Variants in PCCA observed in about 807,000 individuals in gnomAD.
PCCA encodes the protein propionyl-CoA carboxylase subunit alpha.
PCCA carries 74 observed loss-of-function variants against 101.3 expected under a neutral mutation model. The observed-to-expected ratio is 0.73, with a 90% CI of 0.61 to 0.89. PCCA has a LOEUF of 0.89. Ranked by LOEUF, PCCA falls within the 40% of genes least tolerant of loss-of-function variation. The pLI is 0.00. For synonymous variants in PCCA, 294 were observed against 313.6 expected (o/e 0.94, Z 0.66); for missense variants, 891 against 907.0 (o/e 0.98, Z 0.23).
intron 12 of PCCA, among the ~76,000 whole-genome samples, chr13:100,276,919 T>G (rs2063709305): frequency 6.6e-6 from 1 of 152,220 alleles, no homozygotes; most frequent in Non-Finnish European, 1.5e-5. Context: ...GTTTCTTGGT[T>G]CTGCTGTTGA....
intron 22 of PCCA, among the ~76,000 whole-genome samples, chr13:100,518,610 A>C (rs1192069408): frequency 6.6e-6 from 1 of 152,248 alleles, no homozygotes; most frequent in Non-Finnish European, 1.5e-5. Context: ...GAACACGTGG[A>C]GAGAGGATGT....
intron 19 of PCCA, among the ~76,000 whole-genome samples, chr13:100,413,143 A>G (rs2078154463): frequency 6.6e-6 from 1 of 152,232 alleles, no homozygotes; most frequent in Admixed American, 6.5e-5. Flanking sequence ...GCCAGGAGAC[A>G]TGGACTACTA....
intron 21 of PCCA, among the ~76,000 whole-genome samples, chr13:100,469,635 G>C (rs1428353405): frequency 6.6e-6 from 1 of 151,814 alleles, no homozygotes; most frequent in African/African-American, 2.4e-5. Flanking sequence ...TATTAGCTGG[G>C]CGTGGTGGCA....
chr13:100,313,318 G>A (rs553210550), intron 16 of PCCA, among the ~76,000 whole-genome samples: 5 of 152,180 alleles, frequency 3.3e-5, no homozygotes, highest in East Asian at 3.9e-4. Flanking sequence ...TTGAGACAGC[G>A]TTATTGCAAT....
At chr13:100,351,198 A>G (rs1286732478) in intron 18 of PCCA, among the ~76,000 whole-genome samples, 1 of 152,230 alleles carries the variant, frequency 6.6e-6, no homozygotes, top group Non-Finnish European at 1.5e-5. Flanking sequence ...TCCATAATAC[A>G]AAGATTATTA....
rs2066056871 is a variant in PCCA at position 100,301,533 on chromosome 13, A to G, written c.1139A>G (p.Tyr380Cys). 1 of 1,614,044 alleles carries G rather than the reference A, an allele frequency of 6.2e-7. No homozygotes were observed. The highest frequency in any genetic ancestry group is 1.1e-5 in the South Asian group (1 of 91,082). Residue 380 changes from tyrosine (Y) to cysteine (C), a missense_variant, in exon 13 of 24, where the codon TAC (tyrosine) becomes TGC (cysteine). By Grantham distance (194) the Tyr-to-Cys change is radical. Coordinates refer to ENST00000376285, the MANE Select transcript of PCCA (RefSeq NM_000282.4). ...VQEMIRVAKGYPLRHKQADIR... is the reference protein window; with the variant it reads ...VQEMIRVAKGCPLRHKQADIR... ...GAAATGATCCGTGTTGCTAAGGGCT[A>G]CCCTCTCAGGCACAAACAAGCTGAT...
rs139900641 is a variant in PCCA at position 100,452,459 on chromosome 13, G to A, written c.1899+3154G>A. Among the ~76,000 whole-genome samples the A allele has an allele frequency of 2.2e-3, 336 of 152,256 alleles. 1 individual carries two copies. Among genetic ancestry groups the A allele is most frequent in the African/African-American group, 7.7e-3 (320 of 41,550 alleles). On this transcript the variant is annotated intron_variant, in intron 21 of 23. Transcript: ENST00000376285. ...TCTTCTTCAGACCTGCTGGGCACAT[G>A]CCTTAGGGTCTCTGCCCTTGTTTTT...
intron 6 of PCCA, among the ~76,000 whole-genome samples, chr13:100,158,144 G>C (rs1191860664): frequency 6.6e-6 from 1 of 152,164 alleles, no homozygotes; most frequent in African/African-American, 2.4e-5. Flanking sequence ...ACGTGTTGCT[G>C]TACTGGATCC....
intron 8 of PCCA, among the ~76,000 whole-genome samples, chr13:100,246,695 G>T (rs1018065975): frequency 3.9e-5 from 6 of 151,902 alleles, no homozygotes; most frequent in African/African-American, 1.2e-4. Context: ...TAACTTAATT[G>T]CTTTGTGGTC....
intron 21 of PCCA, among the ~76,000 whole-genome samples, chr13:100,458,410 C>G (rs1429575687): frequency 8.0e-6 from 1 of 125,734 alleles, no homozygotes; most frequent in East Asian, 2.6e-4. Context: ...ACAGTGGGAC[C>G]CCATCTCTGC....
chr13:100,146,574 C>CAAA (rs34460515), intron 4 of PCCA, among the ~76,000 whole-genome samples: 1 of 98,060 alleles, frequency 1.0e-5, no homozygotes, highest in Non-Finnish European at 2.2e-5. Flanking sequence ...GACTCTGTCT[C>CAAA]AAAAAAAAAA....
intron 6 of PCCA, among the ~76,000 whole-genome samples, chr13:100,199,154 C>A (rs2058313768): frequency 6.6e-6 from 1 of 152,092 alleles, no homozygotes; most frequent in Non-Finnish European, 1.5e-5. Flanking sequence ...ATAGGGCGAA[C>A]TATTTTGAAA....
chr13:100,456,758 G>T (rs1274814813), intron 21 of PCCA, among the ~76,000 whole-genome samples: 1 of 152,138 alleles, frequency 6.6e-6, no homozygotes, highest in Non-Finnish European at 1.5e-5. Flanking sequence ...TATCTACTAC[G>T]AGCTTCAAAG....
chr13:100,115,887 A>G (rs1455469977), intron 4 of PCCA, among the ~76,000 whole-genome samples: 1 of 152,172 alleles, frequency 6.6e-6, no homozygotes, highest in African/African-American at 2.4e-5. Flanking sequence ...CCACAATGGA[A>G]GCAATTGCAC....
chr13:100,352,399 C>CTTT (rs67318662), intron 18 of PCCA, among the ~76,000 whole-genome samples: 2 of 134,580 alleles, frequency 1.5e-5, no homozygotes, highest in Admixed American at 7.5e-5. Flanking sequence ...ACAAAATAGC[C>CTTT]TTTTTTTTTT....
chr13:100,256,502 GC>G (rs763189290), intron 8 of PCCA, among the ~76,000 whole-genome samples: 2 of 152,066 alleles, frequency 1.3e-5, no homozygotes, highest in Non-Finnish European at 2.9e-5. Flanking sequence ...AAAAATACCA[GC>G]CCATATAAAC....
chr13:100,182,215 G>A (rs2056863369), intron 6 of PCCA, among the ~76,000 whole-genome samples: 2 of 148,610 alleles, frequency 1.3e-5, no homozygotes, highest in African/African-American at 5.0e-5. Context: ...TCCTGCCTCA[G>A]CCTCCTGAGT....
intron 4 of PCCA, among the ~76,000 whole-genome samples, chr13:100,114,875 A>C (rs184077412): frequency 6.6e-6 from 1 of 152,200 alleles, no homozygotes; most frequent in African/African-American, 2.4e-5. Context: ...AGGTTTCTCA[A>C]AAAACTAAAA....
chr13:100,136,777 T>A (rs1031598807), intron 4 of PCCA, among the ~76,000 whole-genome samples: 1 of 152,106 alleles, frequency 6.6e-6, no homozygotes, highest in East Asian at 1.9e-4. Context: ...ATTTTGGATG[T>A]CGTTTTTTTC....
Sources: gnomAD v4.1 joint callset for allele counts (sites outside exome capture counted in the v4.1 genomes callset) on GRCh38, gnomAD v4.1.1 for gene constraint, MANE v1.5 for transcripts, NCBI Gene and HGNC (gene_info 2026-07-23, HGNC 2026-07-21) for gene names.